The following CA10 variants were observed in gnomAD, a reference collection of about 807,000 sequenced individuals.
CA10 encodes the protein carbonic anhydrase 10 (inactive).
Under a neutral mutation model 44.2 loss-of-function variants are expected in CA10, and 14 were observed. The observed-to-expected ratio is 0.32, with a 90% CI of 0.21 to 0.50. The LOEUF (loss-of-function observed/expected upper bound fraction) is 0.50. Ranked by LOEUF, CA10 falls within the 20% of genes least tolerant of loss-of-function variation. CA10 has a pLI of 0.99. For synonymous variants in CA10, 159 were observed against 141.6 expected (o/e 1.12, Z -0.87); for missense variants, 350 against 409.7 (o/e 0.85, Z 1.26).
chr17:51,902,002 G>C (rs1398412409), intron 3 of CA10, among the ~76,000 whole-genome samples: 1 of 152,118 alleles, frequency 6.6e-6, no homozygotes, highest in Admixed American at 6.6e-5. Flanking sequence ...ATACAGTATA[G>C]TACTAATAGC....
chr17:51,715,839 G>T (rs1200804785), intron 4 of CA10, among the ~76,000 whole-genome samples: 1 of 152,038 alleles, frequency 6.6e-6, no homozygotes, highest in African/African-American at 2.4e-5. Flanking sequence ...ACAGGCATGT[G>T]CCACCACGCC....
chr17:51,730,904 T>TA (rs34601669), intron 4 of CA10, among the ~76,000 whole-genome samples: 3,013 of 147,898 alleles, frequency 0.02, 111 homozygotes, highest in African/African-American at 0.069. Flanking sequence ...AACACAGGGA[T>TA]AAAAAAAAAA....
chr17:51,735,042 C>T (rs1056561725), intron 4 of CA10, among the ~76,000 whole-genome samples: 1 of 152,160 alleles, frequency 6.6e-6, no homozygotes. Flanking sequence ...TTAGAAGGGC[C>T]CTTAACCCAT....
At chr17:51,732,616 A>C (rs62061776) in intron 4 of CA10, among the ~76,000 whole-genome samples, 25,022 of 144,582 alleles carry the variant, frequency 0.17, 2,314 homozygotes, top group East Asian at 0.32. Flanking sequence ...TGTTCTCCCC[A>C]CCATACAGGC....
intron 4 of CA10, among the ~76,000 whole-genome samples, chr17:51,700,934 G>A (rs946534725): frequency 2.0e-5 from 3 of 152,062 alleles, no homozygotes; most frequent in African/African-American, 4.8e-5. Flanking sequence ...AGTGGAGGGA[G>A]CAGGGAGGGA....
chr17:51,783,975 G>T (rs972370682), intron 3 of CA10, among the ~76,000 whole-genome samples: 3 of 152,186 alleles, frequency 2.0e-5, no homozygotes, highest in African/African-American at 7.2e-5. Flanking sequence ...CTTGAAAGAG[G>T]AGGGGCCTGC....
chr17:51,640,433 T>C (rs891909726), intron 6 of CA10, among the ~76,000 whole-genome samples: 13 of 152,176 alleles, frequency 8.5e-5, no homozygotes, highest in Non-Finnish European at 1.3e-4. Context: ...CATCTCCATA[T>C]GCTATTACCA....
chr17:52,038,636 T>C (rs570283524), intron 2 of CA10, among the ~76,000 whole-genome samples: 85 of 152,306 alleles, frequency 5.6e-4, no homozygotes, highest in Non-Finnish European at 8.1e-4. Context: ...AAATCAGATC[T>C]GTCTCATCTA....
At chr17:51,999,490 G>T (rs1271221547) in intron 2 of CA10, among the ~76,000 whole-genome samples, 1 of 152,060 alleles carries the variant, frequency 6.6e-6, no homozygotes, top group African/African-American at 2.4e-5. Flanking sequence ...GGCAAGATTG[G>T]TGTTGAGTAT....
chr17:51,932,755 T>C (rs1202472565), intron 2 of CA10, among the ~76,000 whole-genome samples: 1 of 152,082 alleles, frequency 6.6e-6, no homozygotes, highest in Non-Finnish European at 1.5e-5. Flanking sequence ...GGCCCTCTCA[T>C]TTCTTATCAT....
chr17:51,716,812 T>C (rs1361704395), intron 4 of CA10, among the ~76,000 whole-genome samples: 1 of 152,170 alleles, frequency 6.6e-6, no homozygotes, highest in East Asian at 1.9e-4. Context: ...TACTGAACAA[T>C]GATAGGAAAT....
chr17:52,082,374 A>G (rs1344571044), intron 1 of CA10, among the ~76,000 whole-genome samples: 15 of 152,222 alleles, frequency 9.9e-5, no homozygotes, highest in Admixed American at 9.8e-4. Flanking sequence ...CTGTAATTTT[A>G]AGAGGGTAAC....
intron 8 of CA10, among the ~76,000 whole-genome samples, chr17:51,632,519 A>T (rs143744563): frequency 1.2e-4 from 18 of 152,268 alleles, no homozygotes; most frequent in African/African-American, 4.3e-4. Flanking sequence ...TCTGGTAATA[A>T]CCACAGCCCT....
intron 3 of CA10, among the ~76,000 whole-genome samples, chr17:51,929,700 AATAATTCACC>A (rs1303065614): frequency 2.0e-5 from 3 of 152,152 alleles, no homozygotes; most frequent in African/African-American, 4.8e-5. Flanking sequence ...ACTTTAAATA[AATAATTCACC>A]TTTTTAAAGA....
At chr17:51,748,132 T>A (rs969554529) in intron 3 of CA10, among the ~76,000 whole-genome samples, 5 of 152,182 alleles carry the variant, frequency 3.3e-5, no homozygotes, top group African/African-American at 1.2e-4. Flanking sequence ...CTATAAGGAT[T>A]TGGAATGGAA....
At chr17:51,964,105 G>C (rs1598142947) in intron 2 of CA10, among the ~76,000 whole-genome samples, 1 of 151,698 alleles carries the variant, frequency 6.6e-6, no homozygotes, top group East Asian at 1.9e-4. Flanking sequence ...AAAGAGCAGT[G>C]GTCAGTATTC....
rs1986145235 is a variant in CA10 at position 52,021,699 on chromosome 17, C to T, written c.136+50620G>A. Reference sequence around the variant, plus strand: ...AAAAGGGAGAAGATTCAAATAAGCACTATCAGAAACAACAAAGATGACATT... The same window carrying T: ...AAAAGGGAGAAGATTCAAATAAGCATTATCAGAAACAACAAAGATGACATT... On this transcript the variant is annotated intron_variant, in intron 2 of 8. Transcript: ENST00000451037. 2.0e-5 allele frequency among the ~76,000 whole-genome samples: 3 copies of T among 152,034 alleles called. No individual in the cohort carries two copies. The South Asian group carries it at 6.2e-4, about 32-fold the overall frequency.
At chr17:52,093,983 T>G (rs1255048819) in intron 1 of CA10, among the ~76,000 whole-genome samples, 2 of 152,164 alleles carry the variant, frequency 1.3e-5, no homozygotes, top group African/African-American at 4.8e-5. Flanking sequence ...GATGAGTTCA[T>G]GTCCTTTGCA....
chr17:51,853,237 A>G (rs900086762), intron 3 of CA10, among the ~76,000 whole-genome samples: 3 of 152,230 alleles, frequency 2.0e-5, no homozygotes, highest in African/African-American at 7.2e-5. Flanking sequence ...GAAACTGCTA[A>G]TCAGGAGTGG....
Sources: gnomAD v4.1 joint callset for allele counts (sites outside exome capture counted in the v4.1 genomes callset) on GRCh38, gnomAD v4.1.1 for gene constraint, MANE v1.5 for transcripts, NCBI Gene and HGNC (gene_info 2026-07-23, HGNC 2026-07-21) for gene names.